The following UCHL3 variants were observed in gnomAD, a reference collection of about 807,000 sequenced individuals.
The protein encoded by UCHL3 is ubiquitin carboxyl-terminal hydrolase isozyme L3.
Under a neutral mutation model 35.8 loss-of-function variants are expected in UCHL3, and 22 were observed. That is an observed-to-expected ratio of 0.61 (90% CI 0.44 to 0.88). The LOEUF is 0.88. UCHL3 is among the 40% of genes least tolerant of loss of function. The pLI, the probability that UCHL3 is intolerant of heterozygous loss-of-function variation, is 0.00. For missense variants in UCHL3, 229 were observed against 276.9 expected, an observed-to-expected ratio of 0.83 and a Z score of 1.23; for synonymous variants, 90 against 92.8, an observed-to-expected ratio of 0.97 and a Z score of 0.17.
rs141425477 is a variant in UCHL3, at chr13:75,562,903, A to T, written c.183+2022A>T. 1.3e-3 allele frequency among the ~76,000 whole-genome samples: 200 copies of T among 152,272 alleles called. 1 individual carries two copies. The highest frequency in any genetic ancestry group is 4.6e-3 in the African/African-American group (190 of 41,558). On this transcript the variant is annotated intron_variant, in intron 3 of 8. Coordinates refer to ENST00000377595, the MANE Select transcript of UCHL3 (RefSeq NM_006002.5). ...TAACTATAATAACATGTAAGTAGAG[A>T]ATATAAATAGCATGTACTACTTTTA... is the stretch of plus-strand genomic sequence containing the variant.
chr13:75,599,814 A>T (rs1366559059), intron 7 of UCHL3, among the ~76,000 whole-genome samples: 1 of 152,192 alleles, frequency 6.6e-6, no homozygotes, highest in African/African-American at 2.4e-5. Flanking sequence ...TTCAAGTCAC[A>T]CGTCTCTCAC....
rs2032933566 is a variant in UCHL3, at chr13:75,605,917, A to C, written c.*105A>C. ...ATATTTTCATTAACTTGATGATTAA[A>C]CTTTATGTGAGTTAAACTTTGCCTT... is the stretch of plus-strand genomic sequence containing the variant. On this transcript the variant is annotated 3_prime_UTR_variant, in exon 9 of 9. Transcript: ENST00000377595. 8.9e-7 allele frequency: 1 copy of C among 1,120,518 alleles called. No homozygotes were observed. 69.4% of individuals were successfully genotyped at this position (1,120,518 alleles called of 1,614,324 possible).
intron 6 of UCHL3, among the ~76,000 whole-genome samples, chr13:75,572,654 T>C (rs535042855): frequency 1.3e-5 from 2 of 152,292 alleles, no homozygotes; most frequent in South Asian, 4.1e-4. Flanking sequence ...TCCTTGGTAG[T>C]GTAAGAAATA....
At chr13:75,555,451 G>A (rs752285525) in intron 2 of UCHL3, among the ~76,000 whole-genome samples, 11 of 152,142 alleles carry the variant, frequency 7.2e-5, no homozygotes, top group South Asian at 2.1e-4. Flanking sequence ...CCAGGCTCAC[G>A]GGGCCATCAA....
At chr13:75,555,617 T>TATAATA (rs8192739) in intron 2 of UCHL3, among the ~76,000 whole-genome samples, 2 of 151,232 alleles carry the variant, frequency 1.3e-5, no homozygotes, top group Admixed American at 1.3e-4. Context: ...AATTTTTTAT[T>TATAATA]ATAATAATAT....
intron 5 of UCHL3, 195 bp from the exon 6 acceptor site, chr13:75,569,265 G>C (rs1200450350): frequency 1.8e-5 from 7 of 399,732 alleles, no homozygotes; most frequent in Non-Finnish European, 3.1e-5. Flanking sequence ...AGAGATTTAC[G>C]GGTTACACAG....
intron 4 of UCHL3, 97 bp downstream of exon 4, chr13:75,566,948 A>C: frequency 3.8e-6 from 5 of 1,327,090 alleles, no homozygotes; most frequent in Non-Finnish European, 5.1e-6. Flanking sequence ...TCAAACTATA[A>C]AATAAAGCAT....
intron 6 of UCHL3, among the ~76,000 whole-genome samples, chr13:75,577,062 CA>C (rs2032045563): frequency 6.6e-6 from 1 of 151,986 alleles, no homozygotes; most frequent in South Asian, 2.1e-4. Flanking sequence ...CCAGCCTGGG[CA>C]ACATAGTGAG....
intron 2 of UCHL3, among the ~76,000 whole-genome samples, chr13:75,557,632 C>T (rs1259621306): frequency 6.6e-6 from 1 of 152,016 alleles, no homozygotes; most frequent in Non-Finnish European, 1.5e-5. Context: ...TTTGCAAATG[C>T]ATGTATAGAT....
intron 6 of UCHL3, among the ~76,000 whole-genome samples, chr13:75,594,070 CAT>C (rs1024439519): frequency 3.3e-5 from 5 of 152,162 alleles, no homozygotes; most frequent in African/African-American, 1.2e-4. Flanking sequence ...ATAGCTAACT[CAT>C]ATTAATATTA....
At chr13:75,595,597 CAAAAAAA>C (rs58733406) in intron 7 of UCHL3, among the ~76,000 whole-genome samples, 8 of 45,658 alleles carry the variant, frequency 1.8e-4, no homozygotes, top group African/African-American at 8.3e-4. Context: ...TACTCCATCT[CAAAAAAA>C]AAAAAAAAAA....
intron 6 of UCHL3, among the ~76,000 whole-genome samples, chr13:75,575,135 T>A (rs1205262804): frequency 6.6e-6 from 1 of 152,200 alleles, no homozygotes; most frequent in African/African-American, 2.4e-5. Context: ...ATTTGTAGAC[T>A]AAATGAAAAA....
chr13:75,591,677 G>A (rs1159861543), intron 6 of UCHL3, among the ~76,000 whole-genome samples: 3 of 152,030 alleles, frequency 2.0e-5, no homozygotes, highest in Non-Finnish European at 4.4e-5. Context: ...ACACTGCTCG[G>A]GTTTGAATCC....
chr13:75,571,507 A>C (rs1343988727), intron 6 of UCHL3, among the ~76,000 whole-genome samples: 2 of 152,138 alleles, frequency 1.3e-5, no homozygotes, highest in African/African-American at 4.8e-5. Flanking sequence ...CAATAGTTCC[A>C]CCATACTTTT....
chr13:75,555,763 T>C (rs935666782), intron 2 of UCHL3, among the ~76,000 whole-genome samples: 3 of 152,250 alleles, frequency 2.0e-5, no homozygotes, highest in African/African-American at 7.2e-5. Flanking sequence ...ATTAAAAAAA[T>C]TTATTTCTTT....
chr13:75,566,726 A>T lies in UCHL3; in HGVS notation c.215A>T (p.Lys72Ile), dbSNP rs1198272356. The change falls in exon 4 of 9, where the codon AAA becomes ATA. Residue 72 changes from lysine (K) to isoleucine (I), a missense_variant. Transcript: ENST00000377595. ...GTATTCAGAACAGAAGAGGAAGAAA[A>T]AATAAAATCTCAGGGACAAGATGTT... ...YEVFRTEEEEKIKSQGQDVTS... is the reference protein window; with the variant it reads ...YEVFRTEEEEIIKSQGQDVTS... The T allele has an allele frequency of 6.2e-7, 1 of 1,600,530 alleles. No individual in the cohort carries two copies. The highest frequency in any genetic ancestry group is 1.7e-5 in the Admixed American group (1 of 57,824).
intron 6 of UCHL3, among the ~76,000 whole-genome samples, chr13:75,570,255 T>A (rs1031591922): frequency 7.2e-5 from 11 of 152,192 alleles, no homozygotes; most frequent in Non-Finnish European, 1.2e-4. Context: ...TTGTTTTTTT[T>A]GAGACAGAGT....
chr13:75,595,130 G>A, intron 7 of UCHL3, 140 bp downstream of exon 7: 1 of 661,498 alleles, frequency 1.5e-6, no homozygotes, highest in Non-Finnish European at 2.4e-6. Context: ...CATAGCGACA[G>A]TTTTCCTTTT....
At chr13:75,563,571 A>G (rs1364125881) in intron 3 of UCHL3, among the ~76,000 whole-genome samples, 1 of 152,230 alleles carries the variant, frequency 6.6e-6, no homozygotes, top group Non-Finnish European at 1.5e-5. Context: ...AAATAGTTAC[A>G]ATAGTGAAGC....
Sources: gnomAD v4.1 joint callset for allele counts (sites outside exome capture counted in the v4.1 genomes callset) on GRCh38, gnomAD v4.1.1 for gene constraint, MANE v1.5 for transcripts, NCBI Gene and HGNC (gene_info 2026-07-23, HGNC 2026-07-21) for gene names.